LPP: variants seen among roughly 807,000 people sequenced by gnomAD.
LPP encodes the protein LIM domain containing preferred translocation partner in lipoma, also known as lipoma-preferred partner.
Under a neutral mutation model 60.4 loss-of-function variants are expected in LPP, and 38 were observed. That is an observed-to-expected ratio of 0.63 (90% CI 0.49 to 0.83). The LOEUF (loss-of-function observed/expected upper bound fraction) is 0.83. Ranked by LOEUF, LPP falls within the 40% of genes least tolerant of loss-of-function variation. LPP has a pLI of 0.00. For missense variants in LPP, 902 were observed against 783.6 expected (o/e 1.15, Z -1.80); for synonymous variants, 328 against 290.8 (o/e 1.13, Z -1.30).
intron 7 of LPP, among the ~76,000 whole-genome samples, chr3:188,702,864 A>G (rs1206886072): frequency 6.6e-6 from 1 of 152,216 alleles, no homozygotes; most frequent in Non-Finnish European, 1.5e-5. Context: ...AAACAGCCGC[A>G]CAGTAAGAGA....
At chr3:188,557,319 G>A (rs1829711409) in intron 6 of LPP, among the ~76,000 whole-genome samples, 1 of 152,052 alleles carries the variant, frequency 6.6e-6, no homozygotes, top group South Asian at 2.1e-4. Context: ...GTGTTTATTA[G>A]ATTCTTGAAA....
At chr3:188,440,502 A>G (rs1266213765) in intron 4 of LPP, among the ~76,000 whole-genome samples, 1 of 152,154 alleles carries the variant, frequency 6.6e-6, no homozygotes, top group Non-Finnish European at 1.5e-5. Flanking sequence ...AGGATTTCAC[A>G]TCAGCTTTTT....
At chr3:188,270,291 G>A (rs138477893) in intron 2 of LPP, among the ~76,000 whole-genome samples, 86 of 151,342 alleles carry the variant, frequency 5.7e-4, no homozygotes, top group African/African-American at 1.9e-3. Context: ...ACACACAGAC[G>A]TGTGTGTGTG....
intron 2 of LPP, among the ~76,000 whole-genome samples, chr3:188,274,886 A>G (rs979561378): frequency 2.6e-5 from 4 of 152,220 alleles, no homozygotes; most frequent in Non-Finnish European, 4.4e-5. Context: ...TTATGGGAAA[A>G]GGGTAGTTTC....
In LPP at chr3:188,441,620, T is replaced by C. The variant is rs1433163963; in HGVS notation, c.193+35307T>C. On this transcript the variant is annotated intron_variant, in intron 4 of 11. Transcript: ENST00000617246. ...TTTTCTTTTCTTTTCTTTTTTTTTT[T>C]TTTTTTTTTTTTTTTTTTGAGATGG... Among the ~76,000 whole-genome samples, 91 of 103,012 alleles carry C rather than the reference T, an allele frequency of 8.8e-4. 2 individuals are homozygous for C. Among genetic ancestry groups the C allele is most frequent in the Non-Finnish European group, 1.6e-3 (82 of 50,228 alleles). The allele number at this position is 103,012 out of a possible 152,430, so 67.6% of individuals were successfully genotyped here.
intron 1 of LPP, among the ~76,000 whole-genome samples, chr3:188,203,448 AATATATATAAATATATATATTTTTAAAT>A (rs1201305188): frequency 1.2e-5 from 1 of 86,598 alleles, no homozygotes; most frequent in African/African-American, 5.2e-5. Flanking sequence ...TATTTATATA[AATATATATAAATATATATATTTTTAAAT>A]ATATATATAT....
intron 1 of LPP, among the ~76,000 whole-genome samples, chr3:188,169,054 T>G (rs1160416727): frequency 6.6e-6 from 1 of 152,276 alleles, no homozygotes; most frequent in African/African-American, 2.4e-5. Flanking sequence ...TACTTAAGAC[T>G]TCACTTGGGT....
intron 9 of LPP, among the ~76,000 whole-genome samples, chr3:188,847,955 G>A (rs1416548694): frequency 1.1e-4 from 16 of 152,186 alleles, no homozygotes; most frequent in Admixed American, 1.0e-3. Flanking sequence ...AGGAAGTCAG[G>A]CTCCTGGGGA....
intron 7 of LPP, among the ~76,000 whole-genome samples, chr3:188,693,217 G>A (rs1055803694): frequency 2.6e-5 from 4 of 152,096 alleles, no homozygotes; most frequent in Admixed American, 2.0e-4. Flanking sequence ...CAGAATGGTC[G>A]GGTACAAATC....
intron 2 of LPP, among the ~76,000 whole-genome samples, chr3:188,227,382 C>T (rs1302635690): frequency 7.2e-6 from 1 of 138,162 alleles, no homozygotes; most frequent in Non-Finnish European, 1.5e-5. Context: ...GTTCCCCTTC[C>T]TGTGTCCATG....
At chr3:188,792,646 G>A (rs560381928) in intron 9 of LPP, among the ~76,000 whole-genome samples, 18 of 152,202 alleles carry the variant, frequency 1.2e-4, no homozygotes, top group African/African-American at 4.1e-4. Context: ...AAACCTGGTT[G>A]ATTGTGAGGC....
intron 2 of LPP, among the ~76,000 whole-genome samples, chr3:188,318,633 G>A (rs891781391): frequency 5.3e-5 from 8 of 151,532 alleles, no homozygotes; most frequent in Non-Finnish European, 1.2e-4. Context: ...TATATATGGA[G>A]AACACGGTGG....
chr3:188,592,551 GT>G (rs1553936326), intron 6 of LPP, among the ~76,000 whole-genome samples: 20 of 98,276 alleles, frequency 2.0e-4, no homozygotes, highest in East Asian at 1.6e-3. Flanking sequence ...TTTTAGTTTT[GT>G]TTTTGTTTTT....
At chr3:188,388,997 T>C (rs1261518013) in intron 3 of LPP, among the ~76,000 whole-genome samples, 1 of 152,236 alleles carries the variant, frequency 6.6e-6, no homozygotes, top group African/African-American at 2.4e-5. Context: ...GTTAATTTCC[T>C]GACAAATCGT....
intron 7 of LPP, among the ~76,000 whole-genome samples, chr3:188,633,256 C>G (rs1042481529): frequency 5.3e-4 from 80 of 152,260 alleles, no homozygotes; most frequent in African/African-American, 1.9e-3. Flanking sequence ...TAAACAGAAC[C>G]CACCCGGGTC....
At chr3:188,511,454 G>C (rs1300614041) in intron 5 of LPP, among the ~76,000 whole-genome samples, 1 of 151,586 alleles carries the variant, frequency 6.6e-6, no homozygotes, top group Non-Finnish European at 1.5e-5. Flanking sequence ...AAGGGTATTA[G>C]AGCTTGGCTT....
chr3:188,621,135 A>T (rs141930921), intron 7 of LPP, among the ~76,000 whole-genome samples: 198 of 143,466 alleles, frequency 1.4e-3, no homozygotes, highest in African/African-American at 4.9e-3. Flanking sequence ...AAGCAATTTT[A>T]TTCCAAAAAA....
chr3:188,734,867 G>C (rs188158094), intron 8 of LPP, among the ~76,000 whole-genome samples: 44 of 152,336 alleles, frequency 2.9e-4, no homozygotes, highest in Non-Finnish European at 4.9e-4. Context: ...ATATGGTCAA[G>C]AGCCTGAGGG....
chr3:188,624,109 A>G (rs1291266727), intron 7 of LPP, among the ~76,000 whole-genome samples: 1 of 152,212 alleles, frequency 6.6e-6, no homozygotes. Context: ...CATCAGCACA[A>G]TATGTCCTAG....
Sources: gnomAD v4.1 joint callset for allele counts (sites outside exome capture counted in the v4.1 genomes callset) on GRCh38, gnomAD v4.1.1 for gene constraint, MANE v1.5 for transcripts, NCBI Gene and HGNC (gene_info 2026-07-23, HGNC 2026-07-21) for gene names.